TPMT: variants seen among roughly 807,000 people sequenced by gnomAD.
TPMT encodes thiopurine S-methyltransferase, also known as S-adenosyl-L-methionine:thiopurine S-methyltransferase.
A neutral mutation model predicts 34.2 loss-of-function variants in TPMT; 18 were observed. The ratio of observed to expected loss-of-function variants is 0.53; its 90% CI spans 0.36 to 0.78. The LOEUF is 0.78. Among genes scored for constraint, TPMT ranks in the 30% least tolerant of loss-of-function variants. The probability of loss-of-function intolerance (pLI) is 0.00; values close to 1 mark genes in which losing one functional copy is unlikely to be tolerated. For synonymous variants in TPMT, 69 were observed against 92.4 expected, an observed-to-expected ratio of 0.75 and a Z score of 1.45; for missense variants, 265 against 288.1, an observed-to-expected ratio of 0.92 and a Z score of 0.58.
intron 1 of TPMT, among the ~76,000 whole-genome samples, chr6:18,152,857 T>C (rs1371699606): frequency 1.3e-5 from 2 of 152,164 alleles, no homozygotes; most frequent in Non-Finnish European, 2.9e-5. Context: ...AACCCCCTGA[T>C]GCTGCCCCTC....
Position 18,148,030 on chromosome 6 carries a change from T to C in TPMT, c.141-115A>G. 1.3e-6 allele frequency: 1 copy of C among 797,492 alleles called. No individual in the cohort carries two copies. Among genetic ancestry groups the C allele is most frequent in the East Asian group, 2.6e-5 (1 of 38,114 alleles). The allele number at this position is 797,492 out of a possible 1,614,324, so 49.4% of individuals were successfully genotyped here. On this transcript the variant is annotated intron_variant, in intron 2 of 8. Transcript: ENST00000309983. This position sits in a 1 kb window ranked among gnomAD's most constrained non-coding sequence, Gnocchi z 4.1. ...TTAATAAGCAGTTACTATTAATTAT[T>C]ATAATCTCCAGCTTACATATGAAGA...
intron 3 of TPMT, among the ~76,000 whole-genome samples, chr6:18,144,199 T>A (rs6902848): frequency 0.069 from 10,478 of 152,238 alleles, 455 homozygotes; most frequent in South Asian, 0.16. Flanking sequence ...TTTTATTTAG[T>A]TTACATTTAA....
At position 18,145,383 on chromosome 6, in the gene TPMT, C is replaced by T. The variant is rs1784230562; in HGVS notation, c.234-1655G>A. Among the ~76,000 whole-genome samples the T allele has an allele frequency of 6.6e-6, 1 of 152,190 alleles. No individual in the cohort carries two copies. On this transcript the variant is annotated intron_variant, in intron 3 of 8. Transcript: ENST00000309983. This position sits in a 1 kb window ranked among gnomAD's most constrained non-coding sequence, Gnocchi z 5.6. ...CTAAGGTAGCTGGGGGATGTTGGTGCATTCCATCTATTCATACCTGGTTTA... is the reference window on the plus strand; with the variant it reads ...CTAAGGTAGCTGGGGGATGTTGGTGTATTCCATCTATTCATACCTGGTTTA...
Position 18,132,900 on chromosome 6 carries a change from C to G in TPMT, c.581-723G>C, listed in dbSNP as rs144787526. ...CCTGAGGTCAGGAGTTCCAGACCAG[C>G]TTGGCCAACATGGTGAAATCCTGTC... On this transcript the variant is annotated intron_variant, in intron 7 of 8. Transcript: ENST00000309983. The surrounding 1 kb of genome is among the most constrained non-coding windows in gnomAD (Gnocchi z 4.8). 0.013 allele frequency among the ~76,000 whole-genome samples: 1,917 copies of G among 152,136 alleles called. 15 individuals carry two copies. Among genetic ancestry groups the G allele is most frequent in the Non-Finnish European group, 0.018 (1,221 of 68,016 alleles).
At chr6:18,151,627 A>C (rs1784356776) in intron 1 of TPMT, among the ~76,000 whole-genome samples, 1 of 150,392 alleles carries the variant, frequency 6.6e-6, no homozygotes, top group Non-Finnish European at 1.5e-5. Flanking sequence ...TATTTGAGGC[A>C]GGGTCTCGCT....
chr6:18,147,748 C>G (rs1171666955), intron 3 of TPMT, 75 bp downstream of exon 3: 1 of 1,389,226 alleles, frequency 7.2e-7, no homozygotes, highest in Non-Finnish European at 1.0e-6. Flanking sequence ...AGTTTTAAAA[C>G]TCACATCCTG....
rs548924355 is a variant in TPMT, at chr6:18,145,404, G to A, written c.234-1676C>T. Among the ~76,000 whole-genome samples the A allele has an allele frequency of 1.3e-5, 2 of 152,184 alleles. No homozygotes were observed. Among genetic ancestry groups the A allele is most frequent in the Non-Finnish European group, 2.9e-5 (2 of 68,022 alleles). On this transcript the variant is annotated intron_variant, in intron 3 of 8. Coordinates refer to ENST00000309983, the MANE Select transcript of TPMT (RefSeq NM_000367.5). The surrounding 1 kb of genome is among the most constrained non-coding windows in gnomAD (Gnocchi z 5.6). The stretch of plus-strand genomic sequence containing the variant: ...GGTGCATTCCATCTATTCATACCTG[G>A]TTTAGTTCAACTGGGTGCAGTTTTC...
chr6:18,143,714 C>A lies in TPMT; in HGVS notation c.248G>T (p.Gly83Val), dbSNP rs1293957844. 6.8e-6 allele frequency: 11 copies of A among 1,613,890 alleles called. No homozygotes were observed. Among genetic ancestry groups the A allele is most frequent in the East Asian group, 2.2e-5 (1 of 44,874 alleles). The change falls in exon 4 of 9, where the codon GGA becomes GTA. Residue 83 changes from glycine (G) to valine (V), a missense_variant. Coordinates refer to ENST00000309983, the MANE Select transcript of TPMT (RefSeq NM_000367.5). The surrounding 1 kb of genome is among the most constrained non-coding windows in gnomAD (Gnocchi z 6.1). ...AVEMKWFADR[G>V]HSVVGVEISE... ...GATTTCCACACCAACTACACTGTGT[C>A]CCCGGTCTGCAAACCTGCATAAAAT... is the stretch of plus-strand genomic sequence containing the variant.
chr6:18,140,215 G>A lies in TPMT; in HGVS notation c.367-498C>T, dbSNP rs536420572. On this transcript the variant is annotated intron_variant, in intron 4 of 8. Transcript: ENST00000309983. This position sits in a 1 kb window ranked among gnomAD's most constrained non-coding sequence, Gnocchi z 4.7. ...AGACATCTATCCTGGGTTCTTGACA[G>A]TAGATTTGAATTCGACACAGTCTCT... is the stretch of plus-strand genomic sequence containing the variant. 6.6e-6 allele frequency among the ~76,000 whole-genome samples: 1 copy of A among 152,344 alleles called. No homozygotes were observed. The highest frequency in any genetic ancestry group is 2.1e-4 in the South Asian group (1 of 4,830).
In TPMT at chr6:18,128,374, A is replaced by C. The variant is rs1236611306; in HGVS notation, c.*2294T>G. On this transcript the variant is annotated 3_prime_UTR_variant, in exon 9 of 9. Transcript: ENST00000309983. The surrounding 1 kb of genome is among the most constrained non-coding windows in gnomAD (Gnocchi z 4.6). Reference sequence around the variant, plus strand: ...ATAATTTACATGTGGTATATCTTCCATCTTGAGATTTTAGGAAGTCAGTAT... The same window carrying C: ...ATAATTTACATGTGGTATATCTTCCCTCTTGAGATTTTAGGAAGTCAGTAT... 6.6e-6 allele frequency: 1 copy of C among 152,242 alleles called. No individual in the cohort carries two copies. Among genetic ancestry groups the C allele is most frequent in the Non-Finnish European group, 1.5e-5 (1 of 68,044 alleles). The allele number at this position is 152,242 out of a possible 1,614,324, so 9.4% of individuals were successfully genotyped here.
chr6:18,139,799 G>C lies in TPMT; in HGVS notation c.367-82C>G. 1 of 883,644 alleles carries C rather than the reference G, an allele frequency of 1.1e-6. No individual in the cohort carries two copies. The highest frequency in any genetic ancestry group is 1.8e-6 in the Non-Finnish European group (1 of 555,294). 54.7% of individuals were successfully genotyped at this position (883,644 alleles called of 1,614,324 possible). On this transcript the variant is annotated intron_variant, in intron 4 of 8. Coordinates refer to ENST00000309983, the MANE Select transcript of TPMT (RefSeq NM_000367.5). This position sits in a 1 kb window ranked among gnomAD's most constrained non-coding sequence, Gnocchi z 4.2. ...AGTCAAGGAAAGAGGGCCAAGCAAA[G>C]CAAAAGTTCTAGGGAAAGAATGTGT...
chr6:18,136,963 A>G lies in TPMT; in HGVS notation c.494+2000T>C, dbSNP rs1326902632. On this transcript the variant is annotated intron_variant, in intron 6 of 8. Coordinates refer to ENST00000309983, the MANE Select transcript of TPMT (RefSeq NM_000367.5). The surrounding 1 kb of genome is among the most constrained non-coding windows in gnomAD (Gnocchi z 4.7). The stretch of plus-strand genomic sequence containing the variant: ...CATGCAAGGAGGATGGGAGTTCTGG[A>G]AAAGAGATAAAGGAGGAGCAGTGAG... 6.6e-6 allele frequency among the ~76,000 whole-genome samples: 1 copy of G among 152,134 alleles called. No individual in the cohort carries two copies. The highest frequency in any genetic ancestry group is 1.5e-5 in the Non-Finnish European group (1 of 68,030).
At chr6:18,151,891 G>A (rs1784361152) in intron 1 of TPMT, among the ~76,000 whole-genome samples, 1 of 152,130 alleles carries the variant, frequency 6.6e-6, no homozygotes, top group Non-Finnish European at 1.5e-5. Flanking sequence ...GAGGGTCCCA[G>A]CATCCAGTTT....
At position 18,133,812 on chromosome 6, in the gene TPMT, T is replaced by TTAGTTGGA; in HGVS notation, c.564_571dup (p.Lys191IlefsTer60). Reference sequence around the variant, plus strand: ...AAACCCAACAACTTTACCTGGATGTTTAGTTGGATCATAAGAAAGAACACA... The same window carrying TTAGTTGGA: ...AAACCCAACAACTTTACCTGGATGTTTAGTTGGATAGTTGGATCATAAGAAAGAACACA... On this transcript the variant is annotated frameshift_variant, in exon 7 of 9. Coordinates refer to ENST00000309983, the MANE Select transcript of TPMT (RefSeq NM_000367.5). LOFTEE classifies it high-confidence loss of function. The TTAGTTGGA allele has an allele frequency of 6.2e-7, 1 of 1,603,322 alleles. No homozygotes were observed. Among genetic ancestry groups the TTAGTTGGA allele is most frequent in the African/African-American group, 1.3e-5 (1 of 74,304 alleles).
chr6:18,131,253 T>C lies in TPMT; in HGVS notation c.626-473A>G, dbSNP rs1055330041. On this transcript the variant is annotated intron_variant, in intron 8 of 8. Coordinates refer to ENST00000309983, the MANE Select transcript of TPMT (RefSeq NM_000367.5). The surrounding 1 kb of genome is among the most constrained non-coding windows in gnomAD (Gnocchi z 4.3). ...AAGGGCAAATTTCCTGAACTCTGAATTGTTATTATCACTTTTAACTCCCAA... is the reference window on the plus strand; with the variant it reads ...AAGGGCAAATTTCCTGAACTCTGAACTGTTATTATCACTTTTAACTCCCAA... Among the ~76,000 whole-genome samples, 5 of 152,208 alleles carry C rather than the reference T, an allele frequency of 3.3e-5. No individual in the cohort carries two copies. The highest frequency in any genetic ancestry group is 1.2e-4 in the African/African-American group (5 of 41,442).
At chr6:18,134,844 A>G (rs1784014387) in intron 6 of TPMT, among the ~76,000 whole-genome samples, 1 of 152,228 alleles carries the variant, frequency 6.6e-6, no homozygotes, top group Non-Finnish European at 1.5e-5. Context: ...CAGGAGACGC[A>G]TGCAGGGTGG....
Position 18,147,881 on chromosome 6 carries a change from C to T in TPMT, c.175G>A (p.Gly59Ser). ...AAAAATACCCTCAGTCCACTCTTGC[C>T]TTTAAGGAAAGTATCTAAATGCTTC... ...LKKHLDTFLK[G>S]KSGLRVFFPL... The change falls in exon 3 of 9, where the codon GGC (glycine) becomes AGC (serine). Residue 59 changes from glycine to serine, a missense_variant. By Grantham distance (56) the Gly-to-Ser change is moderately conservative. Transcript: ENST00000309983. The T allele has an allele frequency of 6.2e-7, 1 of 1,613,768 alleles. No homozygotes were observed. The highest frequency in any genetic ancestry group is 8.5e-7 in the Non-Finnish European group (1 of 1,179,884).
chr6:18,147,372 T>C (rs1302956338), intron 3 of TPMT, among the ~76,000 whole-genome samples: 1 of 152,224 alleles, frequency 6.6e-6, no homozygotes, highest in Non-Finnish European at 1.5e-5. Flanking sequence ...CAGAAACTCC[T>C]GTGTTCCCTG....
chr6:18,133,993 A>C, intron 6 of TPMT, 104 bp from the exon 7 acceptor site: 1 of 843,256 alleles, frequency 1.2e-6, no homozygotes, highest in Non-Finnish European at 2.0e-6. Flanking sequence ...CGCTGATACT[A>C]CTGAGTTTAA....
Sources: allele counts gnomAD v4.1 joint callset (sites outside exome capture counted in the v4.1 genomes callset), GRCh38; gene constraint gnomAD v4.1.1; non-coding constraint Gnocchi (gnomAD v3.1); transcripts MANE v1.5; gene names NCBI Gene and HGNC (gene_info 2026-07-23, HGNC 2026-07-21).